Variants in NDRG3 observed in about 807,000 individuals in gnomAD.
NDRG3 encodes the protein NDRG family member 3, also known as protein NDRG3.
In NDRG3, 23 loss-of-function variants were observed where a neutral mutation model predicts 57.2. The ratio of observed to expected loss-of-function variants is 0.40; its 90% CI spans 0.29 to 0.57. The LOEUF (loss-of-function observed/expected upper bound fraction) is 0.57, where lower values mean the gene tolerates loss of function less well. NDRG3 is among the 20% of genes least tolerant of loss of function. The probability of loss-of-function intolerance (pLI) is 0.42; values close to 1 mark genes in which losing one functional copy is unlikely to be tolerated. For missense variants in NDRG3, 384 were observed against 457.3 expected, an observed-to-expected ratio of 0.84 and a Z score of 1.46; for synonymous variants, 132 against 162.6, an observed-to-expected ratio of 0.81 and a Z score of 1.43.
intron 1 of NDRG3, among the ~76,000 whole-genome samples, chr20:36,739,909 CAAAAAAAAAAAA>C (rs774462877): frequency 2.4e-5 from 1 of 41,600 alleles, no homozygotes; most frequent in African/African-American, 8.1e-5. Context: ...GACTCCGTCT[CAAAAAAAAAAAA>C]AAAAAAAAAA....
intron 1 of NDRG3, among the ~76,000 whole-genome samples, chr20:36,724,417 T>C (rs1984795029): frequency 6.6e-6 from 1 of 152,214 alleles, no homozygotes; most frequent in Non-Finnish European, 1.5e-5. Context: ...TTTTTGTTTT[T>C]ATACCAGTCA....
intron 2 of NDRG3, among the ~76,000 whole-genome samples, chr20:36,717,270 A>G (rs1484777319): frequency 6.6e-6 from 1 of 152,236 alleles, no homozygotes; most frequent in East Asian, 1.9e-4. Context: ...AGCCTTGCTC[A>G]AAGCTATATT....
At chr20:36,707,296 G>A (rs975469268) in intron 2 of NDRG3, among the ~76,000 whole-genome samples, 1 of 152,180 alleles carries the variant, frequency 6.6e-6, no homozygotes, top group African/African-American at 2.4e-5. Context: ...CCTAAGGAGA[G>A]CGGTGAGAAT....
At position 36,684,490 on chromosome 20, in the gene NDRG3, G is replaced by T. The variant is rs1238399472; in HGVS notation, c.321-15C>A. On this transcript the variant is annotated splice_polypyrimidine_tract_variant and intron_variant, in intron 5 of 15. Coordinates refer to ENST00000349004, the MANE Select transcript of NDRG3 (RefSeq NM_032013.4). ...GGTACTGATACCTGCAATCCAGAAG[G>T]ATATCTCCTGAATTAGAAAGCACTC... 2 of 1,608,270 alleles carry T rather than the reference G, an allele frequency of 1.2e-6. No homozygotes were observed. The highest frequency in any genetic ancestry group is 2.2e-5 in the East Asian group (1 of 44,836).
intron 12 of NDRG3, among the ~76,000 whole-genome samples, chr20:36,661,990 CA>C (rs1330550044): frequency 6.6e-6 from 1 of 152,144 alleles, no homozygotes; most frequent in Non-Finnish European, 1.5e-5. Context: ...TGTACCCGTT[CA>C]CTACAGAATG....
chr20:36,653,741 G>A lies in NDRG3; in HGVS notation c.947-40C>T, dbSNP rs202120448. On this transcript the variant is annotated intron_variant, in intron 15 of 15. Coordinates refer to ENST00000349004, the MANE Select transcript of NDRG3 (RefSeq NM_032013.4). The surrounding 1 kb of genome is among the most constrained non-coding windows in gnomAD (Gnocchi z 4.2). ...CAAGGGGACTAGAAGATGAAGCCCC[G>A]GTTAAGCCCAGCTAACCTAGGAGTC... 76 of 1,582,348 alleles carry A rather than the reference G, an allele frequency of 4.8e-5. No homozygotes were observed. Among genetic ancestry groups the A allele is most frequent in the South Asian group, 1.0e-4 (9 of 89,446 alleles).
chr20:36,702,914 C>T (rs1983329305), intron 3 of NDRG3, among the ~76,000 whole-genome samples: 1 of 151,460 alleles, frequency 6.6e-6, no homozygotes, highest in Non-Finnish European at 1.5e-5. Flanking sequence ...GAACTCCCGA[C>T]CTCAGGTCAT....
At chr20:36,735,240 T>A (rs1343021428) in intron 1 of NDRG3, among the ~76,000 whole-genome samples, 1 of 152,058 alleles carries the variant, frequency 6.6e-6, no homozygotes, top group Non-Finnish European at 1.5e-5. Flanking sequence ...AAATCCAAAA[T>A]CCGAAGTGCT....
At position 36,666,321 on chromosome 20, in the gene NDRG3, G is replaced by T; in HGVS notation, c.660C>A (p.Asp220Glu). ...AGGAATTCAAGAAGAGCTGCAGGTT[G>T]TCTTGGTTGATGTCTTGGGCAATAT... ...RMHIAQDINQ[D>E]NLQLFLNSYN... is the part of the protein sequence containing the mutation. The change falls in exon 10 of 16, where the codon GAC (aspartate) becomes GAA (glutamate). Residue 220 changes from aspartate (D) to glutamate (E), a missense_variant. Transcript: ENST00000349004. 6.2e-7 allele frequency: 1 copy of T among 1,614,080 alleles called. No individual in the cohort carries two copies. The highest frequency in any genetic ancestry group is 8.5e-7 in the Non-Finnish European group (1 of 1,179,920).
intron 12 of NDRG3, among the ~76,000 whole-genome samples, chr20:36,660,860 C>T (rs1008567364): frequency 2.0e-5 from 3 of 151,908 alleles, no homozygotes; most frequent in Admixed American, 6.6e-5. Context: ...GCGCCCGGCC[C>T]GGGAGATATA....
intron 12 of NDRG3, among the ~76,000 whole-genome samples, chr20:36,662,742 G>A (rs942831392): frequency 4.6e-5 from 7 of 152,142 alleles, no homozygotes; most frequent in Admixed American, 1.3e-4. Flanking sequence ...GCTCTGGCAG[G>A]GGAACTAGGT....
At chr20:36,746,079 AGCGGCGGCGGCGGCGGCGGCG>A (rs11466997) in exon 1 of NDRG3, 86 of 251,420 alleles carry the variant, frequency 3.4e-4, 4 homozygotes, top group South Asian at 2.7e-3. Context: ...GTGCAGCAGC[AGCGGCGGCGGCGGCGGCGGCG>A]GCGGCGGCGG....
chr20:36,745,305 C>T (rs1986133372), intron 1 of NDRG3, among the ~76,000 whole-genome samples: 1 of 152,170 alleles, frequency 6.6e-6, no homozygotes, highest in Non-Finnish European at 1.5e-5. Context: ...TGTACTCCGA[C>T]AACAAGAAAA....
intron 12 of NDRG3, among the ~76,000 whole-genome samples, chr20:36,664,357 A>G (rs1358626351): frequency 6.6e-6 from 1 of 152,148 alleles, no homozygotes; most frequent in African/African-American, 2.4e-5. Context: ...AGTTTCTACA[A>G]TGAGCATATA....
intron 1 of NDRG3, among the ~76,000 whole-genome samples, chr20:36,727,217 A>G (rs1411492536): frequency 2.0e-5 from 3 of 151,472 alleles, no homozygotes; most frequent in Admixed American, 6.6e-5. Flanking sequence ...CGCCCAGCCT[A>G]GATATCTTTA....
intron 2 of NDRG3, 63 bp from the exon 3 acceptor site, chr20:36,707,070 C>T: frequency 2.0e-6 from 3 of 1,479,676 alleles, no homozygotes; most frequent in Non-Finnish European, 2.8e-6. Context: ...ATGTGCAGCA[C>T]ATTCAGTTCA....
chr20:36,721,647 C>G (rs566034635), intron 2 of NDRG3, 32 bp downstream of exon 2: 14 of 1,341,742 alleles, frequency 1.0e-5, no homozygotes, highest in Middle Eastern at 3.7e-4. Flanking sequence ...AAAGGCTTGT[C>G]CATATTTTAG....
chr20:36,716,252 G>T (rs944100752), intron 2 of NDRG3, among the ~76,000 whole-genome samples: 1 of 151,892 alleles, frequency 6.6e-6, no homozygotes, highest in Non-Finnish European at 1.5e-5. Flanking sequence ...CTCACTTTCA[G>T]GTGGGTGCGG....
At chr20:36,711,591 C>G (rs1437081714) in intron 2 of NDRG3, among the ~76,000 whole-genome samples, 1 of 152,142 alleles carries the variant, frequency 6.6e-6, no homozygotes, top group Non-Finnish European at 1.5e-5. Context: ...CTGTAAAGCC[C>G]TCGGTCCCTG....
Sources: allele counts gnomAD v4.1 joint callset (sites outside exome capture counted in the v4.1 genomes callset), GRCh38; gene constraint gnomAD v4.1.1; non-coding constraint Gnocchi (gnomAD v3.1); transcripts MANE v1.5; gene names NCBI Gene and HGNC (gene_info 2026-07-23, HGNC 2026-07-21).